ERBB4: variants seen among roughly 807,000 people sequenced by gnomAD.
ERBB4 encodes receptor tyrosine-protein kinase erbB-4.
In ERBB4, 42 loss-of-function variants were observed where a neutral mutation model predicts 158.0. The ratio of observed to expected loss-of-function variants is 0.27; its 90% CI spans 0.21 to 0.34. ERBB4 has a LOEUF of 0.34. Ranked by LOEUF, ERBB4 falls within the 10% of genes least tolerant of loss-of-function variation. The probability of loss-of-function intolerance (pLI) is 1.00; values close to 1 mark genes in which losing one functional copy is unlikely to be tolerated. For synonymous variants in ERBB4, 583 were observed against 558.7 expected (o/e 1.04, Z -0.61); for missense variants, 1,333 against 1,624.1 (o/e 0.82, Z 3.08).
chr2:212,027,009 T>C (rs1336567820), intron 2 of ERBB4, among the ~76,000 whole-genome samples: 2 of 151,918 alleles, frequency 1.3e-5, no homozygotes, highest in Non-Finnish European at 2.9e-5. Context: ...AATAATAATT[T>C]GTAATATTTG....
intron 1 of ERBB4, among the ~76,000 whole-genome samples, chr2:212,510,598 T>G (rs544796005): frequency 1.1e-4 from 16 of 152,128 alleles, no homozygotes; most frequent in African/African-American, 3.9e-4. Context: ...CAAAATGAAT[T>G]ATCACGCTAT....
intron 2 of ERBB4, among the ~76,000 whole-genome samples, chr2:212,093,227 T>C (rs950372279): frequency 2.0e-5 from 3 of 152,208 alleles, no homozygotes; most frequent in Admixed American, 6.5e-5. Context: ...GTCATAACAA[T>C]TTGGATTTGC....
chr2:211,439,582 T>C (rs2063929963), intron 20 of ERBB4, among the ~76,000 whole-genome samples: 1 of 152,192 alleles, frequency 6.6e-6, no homozygotes, highest in South Asian at 2.1e-4. Flanking sequence ...TCAAGCTGCC[T>C]GCAAGACAAA....
At chr2:211,765,207 C>T (rs1195244769) in intron 4 of ERBB4, among the ~76,000 whole-genome samples, 2 of 152,102 alleles carry the variant, frequency 1.3e-5, no homozygotes, top group Non-Finnish European at 2.9e-5. Context: ...GATTCAAACT[C>T]ATGTAGAAAC....
chr2:211,581,926 C>A (rs1174841106), intron 19 of ERBB4, among the ~76,000 whole-genome samples: 1 of 152,086 alleles, frequency 6.6e-6, no homozygotes, highest in African/African-American at 2.4e-5. Context: ...AGGAGAATCA[C>A]TTGAACCCAG....
chr2:211,465,266 C>T (rs980354772), intron 20 of ERBB4, among the ~76,000 whole-genome samples: 34 of 152,056 alleles, frequency 2.2e-4, no homozygotes, highest in African/African-American at 8.2e-4. Context: ...ATATTTTGAC[C>T]TCAGCTGAAT....
chr2:211,677,421 C>T (rs539989962), intron 13 of ERBB4, among the ~76,000 whole-genome samples: 2 of 151,550 alleles, frequency 1.3e-5, no homozygotes, highest in African/African-American at 4.8e-5. Context: ...AAAATTAGCC[C>T]GGCATGGTGG....
chr2:212,302,777 C>G (rs2086668530), intron 1 of ERBB4, among the ~76,000 whole-genome samples: 1 of 151,456 alleles, frequency 6.6e-6, no homozygotes, highest in Non-Finnish European at 1.5e-5. Flanking sequence ...TAAGATAGCA[C>G]TTATTGTGAT....
At chr2:211,439,200 C>T (rs2063921614) in intron 20 of ERBB4, among the ~76,000 whole-genome samples, 1 of 152,264 alleles carries the variant, frequency 6.6e-6, no homozygotes, top group East Asian at 1.9e-4. Flanking sequence ...ATAGCTACTT[C>T]CTGGACAGAC....
At chr2:211,839,047 T>C (rs946790645) in intron 3 of ERBB4, among the ~76,000 whole-genome samples, 1 of 151,964 alleles carries the variant, frequency 6.6e-6, no homozygotes, top group Non-Finnish European at 1.5e-5. Flanking sequence ...ACCACCTCTT[T>C]GCATGGAGTT....
intron 1 of ERBB4, among the ~76,000 whole-genome samples, chr2:212,460,375 T>C (rs970156126): frequency 6.6e-6 from 1 of 151,954 alleles, no homozygotes; most frequent in Admixed American, 6.6e-5. Context: ...GGAGGGCTGA[T>C]AGGAAAAATG....
chr2:211,997,690 CT>C (rs1304188141), intron 2 of ERBB4, among the ~76,000 whole-genome samples: 2 of 151,998 alleles, frequency 1.3e-5, no homozygotes, highest in Non-Finnish European at 2.9e-5. Flanking sequence ...CCTTCTTCCC[CT>C]CTGTCCTTTA....
intron 2 of ERBB4, among the ~76,000 whole-genome samples, chr2:212,071,721 T>C (rs533432014): frequency 6.6e-6 from 1 of 152,126 alleles, no homozygotes; most frequent in Non-Finnish European, 1.5e-5. Context: ...GCAGTTGTTA[T>C]AAAGCTATTA....
intron 2 of ERBB4, among the ~76,000 whole-genome samples, chr2:212,056,558 C>T (rs550179745): frequency 3.3e-5 from 5 of 152,298 alleles, no homozygotes; most frequent in African/African-American, 9.6e-5. Flanking sequence ...AAGGGAAGCC[C>T]ATCAGACTAA....
chr2:211,537,954 A>G (rs2066700985), intron 20 of ERBB4, among the ~76,000 whole-genome samples: 1 of 151,950 alleles, frequency 6.6e-6, no homozygotes, highest in African/African-American at 2.4e-5. Flanking sequence ...TGCATTAGAA[A>G]ATAACCATCA....
intron 25 of ERBB4, among the ~76,000 whole-genome samples, chr2:211,395,534 C>A (rs746529302): frequency 6.6e-6 from 1 of 151,972 alleles, no homozygotes; most frequent in Non-Finnish European, 1.5e-5. Flanking sequence ...TAGCTGAAAG[C>A]ATTGGCCTTA....
At chr2:212,380,368 G>A (rs571619377) in intron 1 of ERBB4, among the ~76,000 whole-genome samples, 2 of 151,234 alleles carry the variant, frequency 1.3e-5, no homozygotes, top group East Asian at 3.9e-4. Flanking sequence ...GGGAAGATGT[G>A]CATAGGTTAT....
intron 4 of ERBB4, among the ~76,000 whole-genome samples, chr2:211,785,206 A>G (rs924973211): frequency 6.6e-6 from 1 of 150,636 alleles, no homozygotes; most frequent in Non-Finnish European, 1.5e-5. Flanking sequence ...GGTTCACGCC[A>G]TTCTCCAGCC....
At chr2:212,217,719 C>G (rs2083147089) in intron 1 of ERBB4, among the ~76,000 whole-genome samples, 1 of 151,232 alleles carries the variant, frequency 6.6e-6, no homozygotes, top group Admixed American at 6.6e-5. Flanking sequence ...TCATAAAGAA[C>G]TAGTTTCAAA....
Sources: allele counts gnomAD v4.1 joint callset (sites outside exome capture counted in the v4.1 genomes callset), GRCh38; gene constraint gnomAD v4.1.1; transcripts MANE v1.5; gene names NCBI Gene and HGNC (gene_info 2026-07-23, HGNC 2026-07-21).